TTC39A: variants seen among roughly 807,000 people sequenced by gnomAD.
The protein encoded by TTC39A is tetratricopeptide repeat domain 39A.
In TTC39A, 46 loss-of-function variants were observed where a neutral mutation model predicts 82.3. That is an observed-to-expected ratio of 0.56 (90% CI 0.44 to 0.71). The LOEUF (loss-of-function observed/expected upper bound fraction) is 0.71, where lower values mean the gene tolerates loss of function less well. Ranked by LOEUF, TTC39A falls within the 30% of genes least tolerant of loss-of-function variation. The pLI is 0.00. For synonymous variants in TTC39A, 254 were observed against 275.2 expected, an observed-to-expected ratio of 0.92 and a Z score of 0.76; for missense variants, 543 against 712.9, an observed-to-expected ratio of 0.76 and a Z score of 2.71.
At chr1:51,312,275 G>C (rs1000441761) in intron 3 of TTC39A, 80 bp from the exon 4 acceptor site, 2 of 1,330,824 alleles carry the variant, frequency 1.5e-6, no homozygotes, top group African/African-American at 2.9e-5. Flanking sequence ...CTACACCCTA[G>C]AACATTCCTA....
rs1227261738 is a variant in TTC39A, at chr1:51,302,589, G to C, written c.764-16C>G. The stretch of plus-strand genomic sequence containing the variant: ...TTCCCAGTACCTGGAGGAGATGGTG[G>C]GGGAGACACAGAACATGTCACCACC... On this transcript the variant is annotated splice_polypyrimidine_tract_variant and intron_variant, in intron 9 of 17. Transcript: ENST00000680483. 1 of 1,591,182 alleles carries C rather than the reference G, an allele frequency of 6.3e-7. No individual in the cohort carries two copies. Among genetic ancestry groups the C allele is most frequent in the Non-Finnish European group, 8.6e-7 (1 of 1,168,866 alleles).
At chr1:51,302,969 GT>G in intron 9 of TTC39A, 114 bp downstream of exon 9, 1 of 941,214 alleles carries the variant, frequency 1.1e-6, no homozygotes. Flanking sequence ...TCTGTTTCTG[GT>G]TTCAGTACCC....
At chr1:51,307,849 A>C (rs928307942) in intron 6 of TTC39A, among the ~76,000 whole-genome samples, 6 of 152,132 alleles carry the variant, frequency 3.9e-5, no homozygotes, top group African/African-American at 1.4e-4. Context: ...TTAAGTGTAC[A>C]ATTCAGTGGT....
chr1:51,337,519 C>T (rs554297521), intron 1 of TTC39A, among the ~76,000 whole-genome samples: 23 of 151,730 alleles, frequency 1.5e-4, no homozygotes, highest in African/African-American at 4.6e-4. Context: ...CTCAGCCTCC[C>T]GGGTTCAAGT....
intron 14 of TTC39A, among the ~76,000 whole-genome samples, chr1:51,293,590 G>T (rs1644303671): frequency 2.0e-5 from 3 of 152,208 alleles, no homozygotes; most frequent in Non-Finnish European, 4.4e-5. Flanking sequence ...CTCAGTTAAT[G>T]AACAGTACAG....
At chr1:51,316,005 T>C (rs539059628) in intron 2 of TTC39A, among the ~76,000 whole-genome samples, 2 of 152,350 alleles carry the variant, frequency 1.3e-5, no homozygotes, top group East Asian at 3.9e-4. Flanking sequence ...TGAATTTCTA[T>C]TTGGCAATGA....
chr1:51,288,405 A>C lies in TTC39A; in HGVS notation c.1611-125T>G. 1.4e-6 allele frequency: 2 copies of C among 1,480,728 alleles called. No individual in the cohort carries two copies. Among genetic ancestry groups the C allele is most frequent in the South Asian group, 1.3e-5 (1 of 77,962 alleles). 91.7% of individuals were successfully genotyped at this position (1,480,728 alleles called of 1,614,324 possible). ...TGTAGAGAAATTAATGTGTCCAGAG[A>C]GAGTTGAGCCCTACCCAATGGGAGA... On this transcript the variant is annotated intron_variant, in intron 17 of 17. Coordinates refer to ENST00000680483, the MANE Select transcript of TTC39A (RefSeq NM_001297663.2). This position sits in a 1 kb window ranked among gnomAD's most constrained non-coding sequence, Gnocchi z 4.8.
At chr1:51,301,502 T>C in intron 12 of TTC39A, 70 bp downstream of exon 12, 1 of 1,502,482 alleles carries the variant, frequency 6.7e-7, no homozygotes, top group Non-Finnish European at 9.0e-7. Flanking sequence ...GTTAGGGATT[T>C]GGCCCGTGGT....
upstream of TTC39A, among the ~76,000 whole-genome samples, chr1:51,332,055 A>ATGTT (rs1645918738): frequency 6.6e-6 from 1 of 152,204 alleles, no homozygotes; most frequent in Admixed American, 6.5e-5. Context: ...CTAGGCATTT[A>ATGTT]AACATGCTGT....
chr1:51,324,759 T>C (rs957711574), intron 1 of TTC39A, among the ~76,000 whole-genome samples: 1 of 151,710 alleles, frequency 6.6e-6, no homozygotes, highest in Admixed American at 6.6e-5. Flanking sequence ...CCTCAGGTGT[T>C]TGACCTCAGG....
At position 51,309,246 on chromosome 1, in the gene TTC39A, G is replaced by T. The variant is rs1431646086; in HGVS notation, c.488+15C>A. ...CCCAGGGTCTCCCCACAAGCGGATG[G>T]CCAGCCCCACTCACTTGTAGGTCTG... On this transcript the variant is annotated intron_variant, in intron 6 of 17. Coordinates refer to ENST00000680483, the MANE Select transcript of TTC39A (RefSeq NM_001297663.2). The T allele has an allele frequency of 1.3e-6, 2 of 1,598,326 alleles. No individual in the cohort carries two copies. The highest frequency in any genetic ancestry group is 1.7e-6 in the Non-Finnish European group (2 of 1,171,410).
At chr1:51,319,337 G>A (rs1029353682) in intron 2 of TTC39A, among the ~76,000 whole-genome samples, 6 of 152,152 alleles carry the variant, frequency 3.9e-5, no homozygotes, top group African/African-American at 1.2e-4. Flanking sequence ...GGAAAAAGGA[G>A]AGGGAGAGGG....
chr1:51,316,137 G>A (rs1645273577), intron 2 of TTC39A, among the ~76,000 whole-genome samples: 1 of 152,122 alleles, frequency 6.6e-6, no homozygotes, highest in African/African-American at 2.4e-5. Flanking sequence ...CCTGAGAACA[G>A]CCCACGTCTT....
At chr1:51,295,762 C>G (rs749574819) in intron 13 of TTC39A, 17 of 410,556 alleles carry the variant, frequency 4.1e-5, no homozygotes, top group African/African-American at 8.0e-5. Context: ...GAAAGACCTT[C>G]CCTCCCTGGA....
In TTC39A at chr1:51,290,034, G is replaced by A. The variant is rs138832140; in HGVS notation, c.1464C>T (p.Ala488=). ...CLKYLGRVQE[A]EENFRSISAN... is the part of the protein sequence containing the mutation. ...CAGAGATGCTCCTAAAATTCTCCTC[G>A]GCCTCCTGGACACGGCCCAGGTATT... is the stretch of plus-strand genomic sequence containing the variant. Residue 488 remains alanine, a synonymous_variant, in exon 16 of 18, where the codon GCC becomes GCT. Coordinates refer to ENST00000680483, the MANE Select transcript of TTC39A (RefSeq NM_001297663.2). 1.6e-5 allele frequency: 26 copies of A among 1,613,570 alleles called. No homozygotes were observed. Among genetic ancestry groups the A allele is most frequent in the East Asian group, 6.7e-5 (3 of 44,870 alleles).
At chr1:51,306,120 GGGGGGTA>G in intron 6 of TTC39A, 44 bp from the exon 7 acceptor site, 1 of 1,537,880 alleles carries the variant, frequency 6.5e-7, no homozygotes, top group Non-Finnish European at 9.0e-7. Context: ...TGCTGGGGGT[GGGGGGTA>G]GGGGCTGGGA....
chr1:51,301,777 C>G (rs1644668290), intron 11 of TTC39A, 44 bp from the exon 12 acceptor site: 2 of 1,583,764 alleles, frequency 1.3e-6, no homozygotes, highest in African/African-American at 1.3e-5. Context: ...CCACCCAGCC[C>G]CAACCCCTCT....
upstream of TTC39A, chr1:51,330,601 G>C: frequency 1.0e-6 from 1 of 983,104 alleles, no homozygotes; most frequent in Non-Finnish European, 1.2e-6. The surrounding 1 kb of genome is among the most constrained non-coding windows in gnomAD (Gnocchi z 4.5). Context: ...GGCGCGCCGG[G>C]GGCGGGGAAG....
chr1:51,333,867 T>C (rs1280912814), upstream of TTC39A, among the ~76,000 whole-genome samples: 1 of 152,224 alleles, frequency 6.6e-6, no homozygotes, highest in African/African-American at 2.4e-5. Context: ...CCTAGCACTT[T>C]ACAATTTCCC....
Sources: gnomAD v4.1 joint callset for allele counts (sites outside exome capture counted in the v4.1 genomes callset) on GRCh38, gnomAD v4.1.1 for gene constraint, Gnocchi (gnomAD v3.1) non-coding constraint, MANE v1.5 for transcripts, NCBI Gene and HGNC (gene_info 2026-07-23, HGNC 2026-07-21) for gene names.